Variants in POMT2 observed in about 807,000 individuals in gnomAD.
POMT2 encodes protein O-mannosyl-transferase 2.
In POMT2, 75 loss-of-function variants were observed where a neutral mutation model predicts 100.0. The observed-to-expected ratio is 0.75, with a 90% CI of 0.62 to 0.91. The LOEUF (loss-of-function observed/expected upper bound fraction) is 0.91, where lower values mean the gene tolerates loss of function less well. POMT2 is among the 40% of genes least tolerant of loss of function. The pLI, the probability that POMT2 is intolerant of heterozygous loss-of-function variation, is 0.00. For missense variants in POMT2, 940 were observed against 955.1 expected (o/e 0.98, Z 0.21); for synonymous variants, 378 against 374.1 (o/e 1.01, Z -0.12).
intron 1 of POMT2, among the ~76,000 whole-genome samples, chr14:77,314,935 T>A (rs1243329305): frequency 6.6e-6 from 1 of 152,200 alleles, no homozygotes; most frequent in East Asian, 1.9e-4. Context: ...ACTCTCTCCC[T>A]TTATGTCCCA....
At position 77,285,474 on chromosome 14, in the gene POMT2, G is replaced by C; in HGVS notation, c.1484+7C>G. ...TCGATTGGGACAGCAAAACCCTAGA[G>C]ACTTACCACTTGGGCAGAACCTTTC... On this transcript the variant is annotated splice_region_variant and intron_variant, in intron 13 of 20. Coordinates refer to ENST00000261534, the MANE Select transcript of POMT2 (RefSeq NM_013382.7). 1 of 1,614,132 alleles carries C rather than the reference G, an allele frequency of 6.2e-7. No homozygotes were observed. The highest frequency in any genetic ancestry group is 1.3e-5 in the African/African-American group (1 of 75,036).
intron 18 of POMT2, chr14:77,279,430 A>C: frequency 2.3e-6 from 1 of 437,410 alleles, no homozygotes; most frequent in Non-Finnish European, 4.5e-6. Context: ...GGGCCATGGA[A>C]CAAGGAGGTG....
In POMT2 at chr14:77,320,414, G is replaced by C. The variant is rs1471456899; in HGVS notation, c.248+20C>G. On this transcript the variant is annotated intron_variant, in intron 1 of 20. Transcript: ENST00000261534. ...CGTCGCGGTTGCCATGGTGCCCGCC[G>C]AGTCCCTCCCATCACTCACCAGATG... The C allele has an allele frequency of 2.6e-5, 40 of 1,545,754 alleles. No individual in the cohort carries two copies. Among genetic ancestry groups the C allele is most frequent in the Admixed American group, 3.9e-5 (2 of 50,988 alleles).
chr14:77,310,154 A>C (rs1210582511), intron 2 of POMT2, among the ~76,000 whole-genome samples: 2 of 152,230 alleles, frequency 1.3e-5, no homozygotes, highest in Admixed American at 6.5e-5. Flanking sequence ...GCAAATACTC[A>C]ACATGTTCTG....
intron 3 of POMT2, among the ~76,000 whole-genome samples, chr14:77,306,041 A>G (rs1440103050): frequency 3.3e-5 from 5 of 152,354 alleles, no homozygotes; most frequent in African/African-American, 9.6e-5. Context: ...CCCGGGTTCC[A>G]GGCTGTTCTC....
chr14:77,316,285 A>G (rs1031835972), intron 1 of POMT2, among the ~76,000 whole-genome samples: 1 of 152,178 alleles, frequency 6.6e-6, no homozygotes, highest in Non-Finnish European at 1.5e-5. Flanking sequence ...CACTGATCCT[A>G]TGGAAATAGT....
chr14:77,296,618 T>A, intron 8 of POMT2: 1 of 321,198 alleles, frequency 3.1e-6, no homozygotes, highest in Non-Finnish European at 6.0e-6. Flanking sequence ...TCTTCTGTCT[T>A]CGCCTGGAAT....
chr14:77,314,536 A>C (rs1203925994), intron 1 of POMT2, among the ~76,000 whole-genome samples: 1 of 152,176 alleles, frequency 6.6e-6, no homozygotes, highest in Non-Finnish European at 1.5e-5. Context: ...GGATGAGGAG[A>C]GACATAGTCT....
At chr14:77,306,574 G>C (rs1891238111) in intron 2 of POMT2, 133 bp from the exon 3 acceptor site, 2 of 995,684 alleles carry the variant, frequency 2.0e-6, no homozygotes, top group Non-Finnish European at 3.0e-6. Context: ...TGTTGCCAAT[G>C]CAACATTTTC....
chr14:77,285,399 A>G, intron 13 of POMT2, 82 bp downstream of exon 13: 1 of 1,571,618 alleles, frequency 6.4e-7, no homozygotes, highest in South Asian at 1.1e-5. Context: ...ACACAGGAAA[A>G]CAAAAGCTTC....
intron 9 of POMT2, among the ~76,000 whole-genome samples, chr14:77,293,633 A>T (rs1890720270): frequency 6.6e-6 from 1 of 152,236 alleles, no homozygotes; most frequent in East Asian, 1.9e-4. Context: ...AGGAAGGGCC[A>T]CTGGAGATTA....
intron 12 of POMT2, 104 bp downstream of exon 12, chr14:77,286,640 C>T (rs928101008): frequency 2.0e-5 from 31 of 1,536,630 alleles, no homozygotes; most frequent in Non-Finnish European, 2.7e-5. Flanking sequence ...GCCTCTTATC[C>T]TCAGGAACAT....
chr14:77,281,259 T>C (rs1890223751), intron 15 of POMT2, among the ~76,000 whole-genome samples: 1 of 152,316 alleles, frequency 6.6e-6, no homozygotes, highest in African/African-American at 2.4e-5. Flanking sequence ...ACCTTTTTTT[T>C]CCACTACTGC....
chr14:77,301,373 T>A, intron 5 of POMT2, 124 bp from the exon 6 acceptor site: 1 of 1,297,404 alleles, frequency 7.7e-7, no homozygotes, highest in Non-Finnish European at 1.1e-6. Context: ...TGGGGGCTCT[T>A]AGCCTCAAGG....
Position 77,320,534 on chromosome 14 carries a change from G to A in POMT2, c.148C>T (p.Arg50Trp), listed in dbSNP as rs550420394. The change falls in exon 1 of 21, where the codon CGG becomes TGG. Residue 50 changes from arginine (R) to tryptophan (W), a missense_variant. Coordinates refer to ENST00000261534, the MANE Select transcript of POMT2 (RefSeq NM_013382.7). ...RSPKRPAWGS[R>W]RFEAVGWWAL... ...CACCAGCCGACCGCCTCGAAGCGCC[G>A]TGAGCCCCAAGCAGGCCGTTTGGGG... 3.8e-6 allele frequency: 6 copies of A among 1,560,560 alleles called. No homozygotes were observed. The African/African-American group carries it at 4.1e-5, about 11-fold the overall frequency.
At chr14:77,303,649 G>A (rs907986026) in intron 4 of POMT2, among the ~76,000 whole-genome samples, 3 of 152,116 alleles carry the variant, frequency 2.0e-5, no homozygotes, top group African/African-American at 7.2e-5. Context: ...TCAGATCCCT[G>A]CAGGGCCTGA....
At chr14:77,295,448 C>A (rs112729022) in intron 9 of POMT2, among the ~76,000 whole-genome samples, 13,701 of 151,954 alleles carry the variant, frequency 0.09, 776 homozygotes, top group South Asian at 0.19. Context: ...CTGGCTAACA[C>A]GGTGAAACCC....
chr14:77,296,840 CCTT>C (rs747982362), intron 8 of POMT2, among the ~76,000 whole-genome samples: 7 of 152,220 alleles, frequency 4.6e-5, no homozygotes, highest in East Asian at 1.9e-4. Flanking sequence ...TTAATACTGT[CCTT>C]CTTCCAATCC....
Position 77,301,208 on chromosome 14 carries a change from C to T in POMT2, c.698G>A (p.Gly233Asp). 6.2e-7 allele frequency: 1 copy of T among 1,614,214 alleles called. No individual in the cohort carries two copies. The highest frequency in any genetic ancestry group is 1.1e-5 in the South Asian group (1 of 91,082). The part of the protein sequence containing the change: ...APWWFWLSLT[G>D]VSLAGALGVK... ...CCCTAAAGCACCAGCAAGACTAACG[C>T]CAGTCAGGCTGAGCCAGAACCACCA... Residue 233 changes from glycine (G) to aspartate (D), a missense_variant, in exon 6 of 21, where the codon GGC (glycine) becomes GAC (aspartate). By Grantham distance (94) the Gly-to-Asp change is moderately conservative. Transcript: ENST00000261534.
Sources: gnomAD v4.1 joint callset for allele counts (sites outside exome capture counted in the v4.1 genomes callset) on GRCh38, gnomAD v4.1.1 for gene constraint, MANE v1.5 for transcripts, NCBI Gene and HGNC (gene_info 2026-07-23, HGNC 2026-07-21) for gene names.